ANKRD42: variants seen among roughly 807,000 people sequenced by gnomAD.
ANKRD42 encodes ankyrin repeat domain-containing protein 42.
In ANKRD42, 43 loss-of-function variants were observed where a neutral mutation model predicts 51.5. The ratio of observed to expected loss-of-function variants is 0.83; its 90% confidence interval spans 0.65 to 1.08. The LOEUF is 1.08. Ranked by LOEUF, ANKRD42 falls within the 50% of genes least tolerant of loss-of-function variation. The probability of loss-of-function intolerance (pLI) is 0.00; values close to 1 mark genes in which losing one functional copy is unlikely to be tolerated. For synonymous variants in ANKRD42, 203 were observed against 213.0 expected (o/e 0.95, Z 0.41); for missense variants, 608 against 629.3 (o/e 0.97, Z 0.36).
chr11:83,220,514 C>G (rs371356789), intron 5 of ANKRD42, among the ~76,000 whole-genome samples: 1 of 152,054 alleles, frequency 6.6e-6, no homozygotes, highest in African/African-American at 2.4e-5. Context: ...GGTGGCTGAC[C>G]GCGGTGAGTC....
In ANKRD42 at chr11:83,248,296, T is replaced by TACACACACAC. The variant is rs58376016; in HGVS notation, c.*123_*132dup. 159 of 1,300,862 alleles carry TACACACACAC rather than the reference T, an allele frequency of 1.2e-4. 1 individual carries two copies. The African/African-American group carries it at 2.0e-3, about 16-fold the overall frequency. 80.6% of individuals were successfully genotyped at this position (1,300,862 alleles called of 1,614,324 possible). On this transcript the variant is annotated 3_prime_UTR_variant, in exon 11 of 11. Transcript: ENST00000533342. ...AGAGCTGATGACAGGATTAAAGGAA[T>TACACACACAC]ACACACACACACACACACACACACA...
At chr11:83,228,954 T>TTTTTTTTTG (rs1862984439) in intron 7 of ANKRD42, among the ~76,000 whole-genome samples, 2 of 27,862 alleles carry the variant, frequency 7.2e-5, no homozygotes, top group Non-Finnish European at 2.9e-4. Flanking sequence ...TTTTTTTTTG[T>TTTTTTTTTG]TTTTTTTTTA....
chr11:83,234,374 T>C (rs1241614542), intron 7 of ANKRD42, among the ~76,000 whole-genome samples: 1 of 152,226 alleles, frequency 6.6e-6, no homozygotes, highest in Non-Finnish European at 1.5e-5. Context: ...AGTTATTTAA[T>C]AATTGTTTAG....
intron 11 of ANKRD42, among the ~76,000 whole-genome samples, chr11:83,255,435 G>T (rs143877158): frequency 6.6e-6 from 1 of 152,148 alleles, no homozygotes; most frequent in African/African-American, 2.4e-5. Flanking sequence ...GGAATGATTC[G>T]CAGCACTATG....
Position 83,194,242 on chromosome 11 carries a change from C to T in ANKRD42, c.-429C>T, listed in dbSNP as rs1403618758. On this transcript the variant is annotated 5_prime_UTR_variant, in exon 1 of 11. Coordinates refer to ENST00000533342, the MANE Select transcript of ANKRD42 (RefSeq NM_001300975.2). ...AGACCGAGGCCTCCGCCTCAGTGGT[C>T]CTTGGGAGGGAGTCAGTGACATTCG... The T allele has an allele frequency of 4.3e-6, 2 of 464,222 alleles. No homozygotes were observed. Among genetic ancestry groups the T allele is most frequent in the Admixed American group, 4.7e-5 (2 of 42,776 alleles). The allele number at this position is 464,222 out of a possible 1,614,324, so 28.8% of individuals were successfully genotyped here.
At chr11:83,245,740 C>A in intron 10 of ANKRD42, 116 bp downstream of exon 10, 2 of 1,160,828 alleles carry the variant, frequency 1.7e-6, no homozygotes, top group Non-Finnish European at 2.3e-6. Context: ...AGGTTCCATC[C>A]TGTTTTTCTC....
chr11:83,217,596 C>T (rs1862581838), intron 5 of ANKRD42, among the ~76,000 whole-genome samples: 2 of 152,160 alleles, frequency 1.3e-5, no homozygotes, highest in African/African-American at 4.8e-5. Flanking sequence ...ACCTGGGGCT[C>T]TGTGAGGGTG....
At chr11:83,214,406 A>G (rs1476565749) in intron 5 of ANKRD42, 2 of 981,514 alleles carry the variant, frequency 2.0e-6, no homozygotes, top group Admixed American at 1.2e-4. Context: ...ATTGTCCTTT[A>G]TCAAATATAC....
intron 5 of ANKRD42, among the ~76,000 whole-genome samples, chr11:83,215,374 A>G (rs1862494992): frequency 6.6e-6 from 1 of 152,072 alleles, no homozygotes; most frequent in African/African-American, 2.4e-5. Context: ...TTTTGTAGGC[A>G]GCCTATAGTT....
intron 11 of ANKRD42, among the ~76,000 whole-genome samples, chr11:83,254,089 C>G (rs1863720632): frequency 6.6e-6 from 1 of 152,180 alleles, no homozygotes; most frequent in African/African-American, 2.4e-5. Flanking sequence ...ATCCTCCAGC[C>G]TCAGCCTCGT....
downstream of ANKRD42, among the ~76,000 whole-genome samples, chr11:83,256,887 T>G (rs1863783869): frequency 1.3e-5 from 2 of 152,142 alleles, no homozygotes; most frequent in African/African-American, 4.8e-5. Flanking sequence ...CTCTGCATTG[T>G]TGTGTAATCC....
Position 83,248,717 on chromosome 11 carries a change from T to C in ANKRD42, c.*513T>C. The C allele has an allele frequency of 1.0e-6, 1 of 975,660 alleles. No homozygotes were observed. Among genetic ancestry groups the C allele is most frequent in the Non-Finnish European group, 1.2e-6 (1 of 821,064 alleles). The allele number at this position is 975,660 out of a possible 1,614,324, so 60.4% of individuals were successfully genotyped here. ...CTCTTTAATAACCACTTTAAAAATA[T>C]TAAAATAATAAAACATGTTTGTTGT... is the stretch of plus-strand genomic sequence containing the variant. On this transcript the variant is annotated 3_prime_UTR_variant, in exon 11 of 11. Transcript: ENST00000533342.
intron 3 of ANKRD42, among the ~76,000 whole-genome samples, chr11:83,207,528 A>G (rs1378624392): frequency 6.6e-6 from 1 of 152,242 alleles, no homozygotes; most frequent in African/African-American, 2.4e-5. Context: ...GAGTGGGTTG[A>G]TTTTAAAGAG....
chr11:83,257,095 G>A (rs1266331153), downstream of ANKRD42, among the ~76,000 whole-genome samples: 1 of 151,972 alleles, frequency 6.6e-6, no homozygotes, highest in East Asian at 1.9e-4. Context: ...AAAAGGATAG[G>A]TGAGTCATTT....
At chr11:83,206,383 CG>C (rs35649629) in intron 3 of ANKRD42, among the ~76,000 whole-genome samples, 3,095 of 152,176 alleles carry the variant, frequency 0.02, 56 homozygotes, top group Non-Finnish European at 0.031. Flanking sequence ...TGGCTGTCTG[CG>C]TTGTTTTAAG....
chr11:83,228,734 A>G (rs1043264558), intron 7 of ANKRD42, among the ~76,000 whole-genome samples: 1 of 152,058 alleles, frequency 6.6e-6, no homozygotes, highest in Non-Finnish European at 1.5e-5. Context: ...ATGTGTACCA[A>G]TGGTTTTATA....
intron 3 of ANKRD42, among the ~76,000 whole-genome samples, chr11:83,207,225 A>G (rs1272412573): frequency 6.6e-6 from 1 of 152,206 alleles, no homozygotes; most frequent in Non-Finnish European, 1.5e-5. Flanking sequence ...AACCACCCCC[A>G]TGATTCAATT....
intron 2 of ANKRD42, among the ~76,000 whole-genome samples, chr11:83,205,549 A>G (rs1862038905): frequency 6.6e-6 from 1 of 152,214 alleles, no homozygotes; most frequent in African/African-American, 2.4e-5. Context: ...ATTTTTAAAA[A>G]TCTTAAAGAT....
At chr11:83,203,141 G>A (rs967500634) in intron 2 of ANKRD42, among the ~76,000 whole-genome samples, 6 of 151,900 alleles carry the variant, frequency 3.9e-5, no homozygotes, top group African/African-American at 1.4e-4. Context: ...ACAGGTGCAT[G>A]TGCCACCATA....
Sources: gnomAD v4.1 joint callset for allele counts (sites outside exome capture counted in the v4.1 genomes callset) on GRCh38, gnomAD v4.1.1 for gene constraint, MANE v1.5 for transcripts, NCBI Gene and HGNC (gene_info 2026-07-23, HGNC 2026-07-21) for gene names.